The following AVEN variants were observed in gnomAD, a reference collection of about 807,000 sequenced individuals.
AVEN encodes the protein cell death regulator Aven.
Under a neutral mutation model 38.1 loss-of-function variants are expected in AVEN, and 41 were observed. The ratio of observed to expected loss-of-function variants is 1.08; its 90% CI spans 0.84 to 1.40. The LOEUF (loss-of-function observed/expected upper bound fraction) is 1.40, where lower values mean the gene tolerates loss of function less well. Ranked by LOEUF, AVEN falls within the 40% of genes most tolerant of loss-of-function variation. AVEN has a pLI of 0.00. For missense variants in AVEN, 605 were observed against 438.8 expected (o/e 1.38, Z -3.38); for synonymous variants, 206 against 171.8 (o/e 1.20, Z -1.56).
intron 1 of AVEN, among the ~76,000 whole-genome samples, chr15:34,017,614 T>A (rs2684957): frequency 0.99 from 150,700 of 151,840 alleles, 74,796 homozygotes; most frequent in Middle Eastern, 1. Context: ...CAAGTAGCTG[T>A]GACTACAGGT....
At chr15:33,905,148 A>C (rs1463967204) in intron 2 of AVEN, among the ~76,000 whole-genome samples, 1 of 127,970 alleles carries the variant, frequency 7.8e-6, no homozygotes, top group Non-Finnish European at 1.7e-5. Flanking sequence ...AAAAAAAAAA[A>C]AAAAAACTAC....
chr15:33,869,574 G>C (rs896480003), intron 4 of AVEN, among the ~76,000 whole-genome samples: 1 of 152,062 alleles, frequency 6.6e-6, no homozygotes, highest in Non-Finnish European at 1.5e-5. Flanking sequence ...TGTTTCCAAA[G>C]AACCCCCAGG....
chr15:33,945,192 G>C (rs894789799), intron 2 of AVEN, among the ~76,000 whole-genome samples: 1 of 151,974 alleles, frequency 6.6e-6, no homozygotes, highest in Non-Finnish European at 1.5e-5. Flanking sequence ...TTTGTCTCTG[G>C]GTACAACCAC....
intron 2 of AVEN, among the ~76,000 whole-genome samples, chr15:33,888,050 G>A (rs562747715): frequency 6.6e-6 from 1 of 151,992 alleles, no homozygotes; most frequent in South Asian, 2.1e-4. Context: ...TAACTTTAAG[G>A]AGAAAAAAGT....
chr15:33,855,595 C>T (rs899269486), downstream of AVEN, among the ~76,000 whole-genome samples: 2 of 147,418 alleles, frequency 1.4e-5, no homozygotes, highest in African/African-American at 5.0e-5. Context: ...GAAAACTCCC[C>T]AGGTATTTCT....
chr15:34,007,490 C>T (rs1478570976), intron 1 of AVEN, among the ~76,000 whole-genome samples: 1 of 152,162 alleles, frequency 6.6e-6, no homozygotes, highest in Non-Finnish European at 1.5e-5. Context: ...TTCCTCATTT[C>T]CATCTGAGAC....
the AVEN span, chr15:33,853,662 A>G: frequency 1.2e-6 from 2 of 1,613,884 alleles, no homozygotes; most frequent in Non-Finnish European, 1.7e-6. Context: ...CCAAAGCAGA[A>G]GCGGCTTCTC....
intron 2 of AVEN, among the ~76,000 whole-genome samples, chr15:33,904,499 C>T (rs542098734): frequency 6.6e-6 from 1 of 152,130 alleles, no homozygotes; most frequent in African/African-American, 2.4e-5. Context: ...GCAACCTCTG[C>T]CTCCCGGGTT....
chr15:33,865,554 T>G (rs1390535299), downstream of AVEN: 1 of 247,804 alleles, frequency 4.0e-6, no homozygotes, highest in Non-Finnish European at 7.8e-6. Context: ...GCTAGAGAAG[T>G]ATGAAATCTC....
intron 1 of AVEN, among the ~76,000 whole-genome samples, chr15:34,073,110 G>A (rs1480063795): frequency 6.7e-6 from 1 of 148,896 alleles, no homozygotes; most frequent in Non-Finnish European, 1.5e-5. Flanking sequence ...GCACGATCTC[G>A]ACTCACTGCA....
rs933270488 is a variant in AVEN, at chr15:34,060,272, T to G, written n.1637+2650A>C. Among the ~76,000 whole-genome samples the G allele has an allele frequency of 3.3e-5, 5 of 151,708 alleles. No individual in the cohort carries two copies. In the East Asian group the frequency reaches 5.8e-4, roughly 18 times the overall value. On this transcript the variant is annotated intron_variant and non_coding_transcript_variant, in intron 5 of 11. Transcript: ENST00000675287. ...AATGGAGAGGGACCAAAAAGAGGAGTCTTCGTGGGTCAGTTAGACTGCATG... is the reference window on the plus strand; with the variant it reads ...AATGGAGAGGGACCAAAAAGAGGAGGCTTCGTGGGTCAGTTAGACTGCATG...
At chr15:34,030,314 A>G (rs1898715068) in intron 1 of AVEN, among the ~76,000 whole-genome samples, 1 of 152,124 alleles carries the variant, frequency 6.6e-6, no homozygotes, top group African/African-American at 2.4e-5. Context: ...CATTGCATGA[A>G]ACTTTTTGAG....
At position 33,866,850 on chromosome 15, in the gene AVEN, A is replaced by G. The variant is rs950445190; in HGVS notation, c.974-122T>C. Reference sequence around the variant, plus strand: ...ACATTCTCATTATTCTTACTCCCTAAGATGATACAGTAATATCTAAACAAA... The same window carrying G: ...ACATTCTCATTATTCTTACTCCCTAGGATGATACAGTAATATCTAAACAAA... On this transcript the variant is annotated intron_variant, in intron 5 of 5. Transcript: ENST00000306730. The G allele has an allele frequency of 1.2e-5, 8 of 694,920 alleles. No homozygotes were observed. In the African/African-American group the frequency reaches 1.3e-4, roughly 11 times the overall value. 43.0% of individuals were successfully genotyped at this position (694,920 alleles called of 1,614,324 possible). A position where few individuals can be genotyped will look rare whatever the true frequency, so the allele number is the denominator to read the frequency against.
At chr15:33,977,120 G>A (rs1156683378) in intron 2 of AVEN, among the ~76,000 whole-genome samples, 26 of 152,182 alleles carry the variant, frequency 1.7e-4, no homozygotes, top group Admixed American at 1.7e-3. Flanking sequence ...AAGGTTGAAA[G>A]GCTGTCTCCT....
intron 2 of AVEN, among the ~76,000 whole-genome samples, chr15:33,928,885 T>C (rs2153050054): frequency 6.6e-6 from 1 of 152,190 alleles, no homozygotes; most frequent in East Asian, 1.9e-4. Flanking sequence ...TAAAGCAGAA[T>C]TTCTTCCTCC....
chr15:33,873,109 T>TC (rs943745570), intron 3 of AVEN, among the ~76,000 whole-genome samples: 7 of 140,658 alleles, frequency 5.0e-5, no homozygotes, highest in Middle Eastern at 7.2e-3. Flanking sequence ...TTTTTTTTTT[T>TC]TTTTTTTTTT....
chr15:33,874,475 T>C (rs1891138723), intron 3 of AVEN, among the ~76,000 whole-genome samples: 1 of 152,194 alleles, frequency 6.6e-6, no homozygotes, highest in Non-Finnish European at 1.5e-5. Context: ...AGAGTCACAC[T>C]TGTCCACCAA....
chr15:33,854,560 C>G, downstream of AVEN: 2 of 1,082,540 alleles, frequency 1.8e-6, no homozygotes, highest in Non-Finnish European at 2.7e-6. Context: ...TATCAAAGAC[C>G]AAGAGCCTTA....
At chr15:33,859,368 G>A (rs967499191) in intron 11 of AVEN, among the ~76,000 whole-genome samples, 13 of 152,126 alleles carry the variant, frequency 8.5e-5, no homozygotes, top group Non-Finnish European at 1.5e-4. Flanking sequence ...TAAATGTAAC[G>A]ACAGTCTTTC....
Sources: allele counts gnomAD v4.1 joint callset (sites outside exome capture counted in the v4.1 genomes callset), GRCh38; gene constraint gnomAD v4.1.1; transcripts MANE v1.5; gene names NCBI Gene and HGNC (gene_info 2026-07-23, HGNC 2026-07-21).